TMPO: variants seen among roughly 807,000 people sequenced by gnomAD.
TMPO encodes LEM domain containing 4.
TMPO carries 22 observed loss-of-function variants against 45.4 expected under a neutral mutation model. That is an observed-to-expected ratio of 0.48 (90% CI 0.35 to 0.69). The LOEUF is 0.69. Among genes scored for constraint, TMPO ranks in the 30% least tolerant of loss-of-function variants. The pLI, the probability that TMPO is intolerant of heterozygous loss-of-function variation, is 0.01. For synonymous variants in TMPO, 241 were observed against 204.1 expected (o/e 1.18, Z -1.54); for missense variants, 512 against 548.8 (o/e 0.93, Z 0.67).
chr12:98,547,598 G>A lies in TMPO; in HGVS notation c.1105G>A (p.Gly369Arg). The A allele has an allele frequency of 3.7e-6, 6 of 1,614,166 alleles. No individual in the cohort carries two copies. Among genetic ancestry groups the A allele is most frequent in the South Asian group, 1.1e-5 (1 of 91,088 alleles). ...TGCTAGTTGCCGCAGACCAATCAAA[G>A]GGGCTGCAGGCCGGCCATTAGAACT... Reference protein sequence around the residue: ...ISASCRRPIKGAAGRPLELSD... With the variant: ...ISASCRRPIKRAAGRPLELSD... Residue 369 changes from glycine (G) to arginine (R), a missense_variant, in exon 9 of 9, where the codon GGG becomes AGG. Coordinates refer to ENST00000556029, the MANE Select transcript of TMPO (RefSeq NM_001032283.3).
chr12:98,541,986 A>G (rs1877941045), intron 4 of TMPO, among the ~76,000 whole-genome samples: 1 of 152,156 alleles, frequency 6.6e-6, no homozygotes, highest in African/African-American at 2.4e-5. Context: ...ACTGCATTTT[A>G]TGTGTTGCAT....
At position 98,546,438 on chromosome 12, in the gene TMPO, C is replaced by T. The variant is rs750868675; in HGVS notation, c.1070C>T (p.Thr357Ile). ...TTCCCCTATGAAGCATCTACACCAACAGGAATTAGGTATTCAGATACATTT... is the reference window on the plus strand; with the variant it reads ...TTCCCCTATGAAGCATCTACACCAATAGGAATTAGGTATTCAGATACATTT... The part of the protein sequence containing the change: ...EMFPYEASTP[T>I]GISASCRRPI... Residue 357 changes from threonine (T) to isoleucine (I), a missense_variant, in exon 8 of 9, where the codon ACA becomes ATA. Physicochemically the swap from Thr to Ile is moderately conservative, Grantham distance 89. Around this residue, in one of 3 missense-constraint regions of TMPO, gnomAD observed 209 missense variants for 235.1 expected, o/e 0.89. Coordinates refer to ENST00000556029, the MANE Select transcript of TMPO (RefSeq NM_001032283.3). 9.4e-6 allele frequency: 15 copies of T among 1,598,714 alleles called. No homozygotes were observed. The highest frequency in any genetic ancestry group is 8.6e-6 in the Non-Finnish European group (10 of 1,166,906).
chr12:98,550,194 C>G lies in TMPO; in HGVS notation c.*2336C>G, dbSNP rs1056836678. ...CATGTACTTGGTCTTTTGTGTGTGT[C>G]TGTTTTATTCCATTAGAATAAATGT... On this transcript the variant is annotated 3_prime_UTR_variant, in exon 9 of 9. Coordinates refer to ENST00000556029, the MANE Select transcript of TMPO (RefSeq NM_001032283.3). The G allele has an allele frequency of 1.3e-5, 2 of 152,154 alleles. No individual in the cohort carries two copies. The highest frequency in any genetic ancestry group is 2.4e-5 in the African/African-American group (1 of 41,438). The allele number at this position is 152,154 out of a possible 1,614,324, so 9.4% of individuals were successfully genotyped here. A position where few individuals can be genotyped will look rare whatever the true frequency, so the allele number is the denominator to read the frequency against.
chr12:98,519,970 CT>C (rs1876210144), intron 1 of TMPO, among the ~76,000 whole-genome samples: 1 of 145,778 alleles, frequency 6.9e-6, no homozygotes, highest in African/African-American at 2.5e-5. Context: ...TTTTCTTTTT[CT>C]TTTTTTGAGA....
At chr12:98,546,552 T>C (rs1030062644) in intron 8 of TMPO, 105 bp downstream of exon 8, 3 of 926,438 alleles carry the variant, frequency 3.2e-6, no homozygotes, top group Non-Finnish European at 5.3e-6. Context: ...ATTAAGCTGT[T>C]TTTTTGGAGC....
chr12:98,526,124 T>A (rs535998451), intron 1 of TMPO, among the ~76,000 whole-genome samples: 15 of 152,330 alleles, frequency 9.8e-5, no homozygotes, highest in African/African-American at 3.6e-4. Context: ...AACTTTCAAA[T>A]TTTCCCTCAA....
Position 98,548,100 on chromosome 12 carries a change from T to C in TMPO, c.*242T>C, listed in dbSNP as rs1878333871. 2.5e-6 allele frequency: 1 copy of C among 396,766 alleles called. No homozygotes were observed. Among genetic ancestry groups the C allele is most frequent in the Non-Finnish European group, 4.5e-6 (1 of 224,524 alleles). 24.6% of individuals were successfully genotyped at this position (396,766 alleles called of 1,614,324 possible). On this transcript the variant is annotated 3_prime_UTR_variant, in exon 9 of 9. Transcript: ENST00000556029. ...ATAATCTTTTTTAGCTCTGGAACTT[T>C]TTGTAGGCTTTATTTTTTTAATGTG...
At chr12:98,524,151 C>T (rs751461498) in intron 1 of TMPO, among the ~76,000 whole-genome samples, 1 of 152,164 alleles carries the variant, frequency 6.6e-6, no homozygotes, top group Non-Finnish European at 1.5e-5. Context: ...GATGATAGTG[C>T]GTCTGCTTTC....
At chr12:98,546,023 G>A (rs371123412) in intron 7 of TMPO, among the ~76,000 whole-genome samples, 17 of 152,240 alleles carry the variant, frequency 1.1e-4, no homozygotes, top group South Asian at 4.1e-4. Context: ...GTGAGCCACC[G>A]TACCCGGCCC....
chr12:98,536,243 TC>T lies in TMPO; in HGVS notation c.566-1230del, dbSNP rs1168738923. On this transcript the variant is annotated intron_variant, in intron 3 of 8. Coordinates refer to ENST00000556029, the MANE Select transcript of TMPO (RefSeq NM_001032283.3). ...TTCATGTAAAACTTTAGAATTGACT[TC>T]CTTTCTGTCTCTTCAGTAAGAAAGT... is the stretch of plus-strand genomic sequence containing the variant. 3.3e-5 allele frequency among the ~76,000 whole-genome samples: 5 copies of T among 152,228 alleles called. No individual in the cohort carries two copies. In the South Asian group the frequency reaches 1.0e-3, roughly 32 times the overall value.
intron 4 of TMPO, among the ~76,000 whole-genome samples, chr12:98,542,753 G>A (rs1592954391): frequency 1.3e-5 from 2 of 152,314 alleles, no homozygotes; most frequent in East Asian, 3.9e-4. Flanking sequence ...AGCTACTCAG[G>A]AGGGTGAGGC....
At chr12:98,533,906 T>C (rs1480875431) in intron 3 of TMPO, 2 of 1,614,092 alleles carry the variant, frequency 1.2e-6, no homozygotes, top group Non-Finnish European at 1.7e-6. Flanking sequence ...GCCACTCCAC[T>C]AGGAGGTATT....
chr12:98,531,235 C>CTT lies in TMPO; in HGVS notation c.407-423_407-422dup, dbSNP rs1228236045. ...GATTACAGGCATCAGCCACCACGTC[C>CTT]TTTTTTTTTTTTTTTTTTTTTTTAA... On this transcript the variant is annotated intron_variant, in intron 2 of 8. Coordinates refer to ENST00000556029, the MANE Select transcript of TMPO (RefSeq NM_001032283.3). Among the ~76,000 whole-genome samples, 610 of 111,066 alleles carry CTT rather than the reference C, an allele frequency of 5.5e-3. 12 individuals carry two copies. Among genetic ancestry groups the CTT allele is most frequent in the African/African-American group, 0.017 (495 of 29,618 alleles). The allele number at this position is 111,066 out of a possible 152,430, so 72.9% of individuals were successfully genotyped here.
In TMPO at chr12:98,523,629, C is replaced by T. The variant is rs991238030; in HGVS notation, c.280-4257C>T. Among the ~76,000 whole-genome samples, 4 of 151,594 alleles carry T rather than the reference C, an allele frequency of 2.6e-5. No individual in the cohort carries two copies. In the East Asian group the frequency reaches 7.7e-4, roughly 29 times the overall value. ...GTCACTTATTTAAGATATCTTTGTT[C>T]AGCTGATGTTTTTCATTATGTTTGA... On this transcript the variant is annotated intron_variant, in intron 1 of 8. Transcript: ENST00000556029.
At chr12:98,530,079 T>C (rs997719983) in intron 2 of TMPO, among the ~76,000 whole-genome samples, 3 of 152,310 alleles carry the variant, frequency 2.0e-5, no homozygotes, top group African/African-American at 7.2e-5. Flanking sequence ...AGTTCATGCC[T>C]GTAATCCCAA....
Position 98,527,452 on chromosome 12 carries a change from G to C in TMPO, c.280-434G>C, listed in dbSNP as rs576823801. ...GTGGGAGGATCGCTTCAGCCTGGGA[G>C]GTGGGGGTTGCAGTGAACTGAGATG... On this transcript the variant is annotated intron_variant, in intron 1 of 8. Coordinates refer to ENST00000556029, the MANE Select transcript of TMPO (RefSeq NM_001032283.3). 1.2e-3 allele frequency: 194 copies of C among 160,850 alleles called. 1 individual carries two copies. Among genetic ancestry groups the C allele is most frequent in the South Asian group, 3.7e-3 (21 of 5,730 alleles). 10.0% of individuals were successfully genotyped at this position (160,850 alleles called of 1,614,324 possible). A position where few individuals can be genotyped will look rare whatever the true frequency, so the allele number is the denominator to read the frequency against.
chr12:98,525,040 A>T (rs115399681), intron 1 of TMPO, among the ~76,000 whole-genome samples: 3 of 152,158 alleles, frequency 2.0e-5, no homozygotes, highest in Non-Finnish European at 2.9e-5. Flanking sequence ...TCCATGTTTT[A>T]TTTTTATTTT....
intron 3 of TMPO, chr12:98,534,524 T>C: frequency 2.8e-6 from 4 of 1,409,640 alleles, no homozygotes; most frequent in African/African-American, 1.4e-5. Context: ...TTCTAAAGAT[T>C]TGCGTAGATA....
intron 1 of TMPO, among the ~76,000 whole-genome samples, chr12:98,519,925 C>G (rs1274474329): frequency 6.6e-6 from 1 of 151,750 alleles, no homozygotes; most frequent in Non-Finnish European, 1.5e-5. Context: ...AAAAATAATA[C>G]CAGGTCATAT....
Sources: allele counts gnomAD v4.1 joint callset (sites outside exome capture counted in the v4.1 genomes callset), GRCh38; gene constraint gnomAD v4.1.1; regional missense constraint gnomAD v4.1.1; transcripts MANE v1.5; gene names NCBI Gene and HGNC (gene_info 2026-07-23, HGNC 2026-07-21).